MEOX1: variants seen among roughly 807,000 people sequenced by gnomAD.
MEOX1 encodes the protein mesenchyme homeobox 1, also known as homeobox protein MOX-1.
Under a neutral mutation model 23.2 loss-of-function variants are expected in MEOX1, and 17 were observed. The observed-to-expected ratio is 0.73, with a 90% CI of 0.50 to 1.10. MEOX1 has a LOEUF of 1.10. MEOX1 is among the 50% of genes least tolerant of loss of function. MEOX1 has a pLI of 0.00. For missense variants in MEOX1, 333 were observed against 332.2 expected (o/e 1.00, Z -0.02); for synonymous variants, 134 against 135.1 (o/e 0.99, Z 0.06).
chr17:43,642,445 C>T (rs1416238855), intron 2 of MEOX1, among the ~76,000 whole-genome samples: 2 of 152,188 alleles, frequency 1.3e-5, no homozygotes, highest in East Asian at 3.8e-4. Context: ...ATTTTCTCAT[C>T]TGAGCTTGAG....
chr17:43,656,120 C>A (rs533919434), intron 1 of MEOX1, among the ~76,000 whole-genome samples: 1 of 152,306 alleles, frequency 6.6e-6, no homozygotes, highest in African/African-American at 2.4e-5. Flanking sequence ...CTAGCAGATA[C>A]TAGACTTCGA....
intron 1 of MEOX1, among the ~76,000 whole-genome samples, chr17:43,648,419 C>T (rs1366009168): frequency 6.8e-6 from 1 of 146,538 alleles, no homozygotes; most frequent in East Asian, 2.0e-4. Flanking sequence ...CAGTGAGCCA[C>T]GAGTACCACT....
intron 1 of MEOX1, among the ~76,000 whole-genome samples, chr17:43,657,926 T>TA (rs1973069009): frequency 6.6e-6 from 1 of 152,242 alleles, no homozygotes. Flanking sequence ...GGCACAGAGT[T>TA]AATCTCATGG....
intron 1 of MEOX1, among the ~76,000 whole-genome samples, chr17:43,652,892 T>C (rs895737573): frequency 5.0e-5 from 7 of 138,752 alleles, no homozygotes; most frequent in South Asian, 2.4e-4. Context: ...AGTGCAGTGG[T>C]GTGATCTCGG....
Position 43,661,129 on chromosome 17 carries a change from C to T in MEOX1, c.406G>A (p.Val136Met), listed in dbSNP as rs781780644. 3 of 1,538,288 alleles carry T rather than the reference C, an allele frequency of 2.0e-6. No homozygotes were observed. The East Asian group carries it at 6.8e-5, about 35-fold the overall frequency. Residue 136 changes from valine to methionine, a missense_variant, in exon 1 of 3, where the codon GTG becomes ATG. By Grantham distance (21) the Val-to-Met change is conservative. Transcript: ENST00000318579. ...TTGGPGDDYG[V>M]LGSTANETEK... ...GTCTCATTGGCAGTGCTCCCAAGCA[C>T]CCCGTAGTCATCGCCTGGGCCTCCT...
At chr17:43,652,933 G>A (rs1032880272) in intron 1 of MEOX1, among the ~76,000 whole-genome samples, 10 of 140,570 alleles carry the variant, frequency 7.1e-5, no homozygotes, top group Admixed American at 8.0e-5. Flanking sequence ...CCAGGTTCAC[G>A]CCATTTTCCT....
intron 1 of MEOX1, among the ~76,000 whole-genome samples, chr17:43,649,344 C>T (rs1972871756): frequency 7.5e-6 from 1 of 133,774 alleles, no homozygotes; most frequent in South Asian, 2.4e-4. Context: ...GTCACCCAGG[C>T]TGGAGATTGG....
At chr17:43,645,371 G>T (rs1162087283) in intron 1 of MEOX1, among the ~76,000 whole-genome samples, 2 of 151,900 alleles carry the variant, frequency 1.3e-5, no homozygotes, top group African/African-American at 2.4e-5. Context: ...TAGAGACGAC[G>T]TTTCACTGTG....
chr17:43,647,802 C>A (rs1267019840), intron 1 of MEOX1, among the ~76,000 whole-genome samples: 1 of 152,184 alleles, frequency 6.6e-6, no homozygotes, highest in Non-Finnish European at 1.5e-5. Flanking sequence ...CGATTTCCAG[C>A]AGAGGAAACA....
At position 43,641,937 on chromosome 17, in the gene MEOX1, G is replaced by C. The variant is rs1972701990; in HGVS notation, c.738C>G (p.Asp246Glu). ...SPNGQDPEDG[D>E]STASPSSE ...ACTCTGAACTTGGAGAGGCTGTGGA[G>C]TCCCCATCCTCAGGGTCCTGCCCAT... Residue 246 changes from aspartate to glutamate, a missense_variant, in exon 3 of 3, where the codon GAC becomes GAG. Asp to Glu is a conservative substitution (Grantham distance 45). Transcript: ENST00000318579. The C allele has an allele frequency of 1.2e-6, 2 of 1,613,920 alleles. No individual in the cohort carries two copies. The highest frequency in any genetic ancestry group is 1.7e-6 in the Non-Finnish European group (2 of 1,179,920).
intron 1 of MEOX1, among the ~76,000 whole-genome samples, chr17:43,646,747 G>C (rs1466806687): frequency 2.0e-5 from 3 of 152,198 alleles, no homozygotes; most frequent in African/African-American, 7.2e-5. Flanking sequence ...AAGCTGAGGC[G>C]GGCGGATCAC....
intron 1 of MEOX1, among the ~76,000 whole-genome samples, chr17:43,657,007 TCTTTC>T (rs1356791674): frequency 1.9e-5 from 2 of 105,198 alleles, no homozygotes; most frequent in African/African-American, 1.1e-4. Flanking sequence ...TTTCTTTCTT[TCTTTC>T]TCTTTCTTTC....
intron 1 of MEOX1, among the ~76,000 whole-genome samples, chr17:43,644,643 GGC>G (rs965419422): frequency 2.6e-5 from 4 of 152,202 alleles, no homozygotes; most frequent in African/African-American, 9.7e-5. Context: ...AGTATGTAGG[GGC>G]CAGGCGCGGT....
At chr17:43,651,552 G>A (rs562979946) in intron 1 of MEOX1, among the ~76,000 whole-genome samples, 33 of 150,258 alleles carry the variant, frequency 2.2e-4, no homozygotes, top group African/African-American at 7.3e-4. Flanking sequence ...AAACAAGGGG[G>A]AAAAAAAAAG....
At chr17:43,658,210 G>C (rs1332822583) in intron 1 of MEOX1, among the ~76,000 whole-genome samples, 1 of 152,216 alleles carries the variant, frequency 6.6e-6, no homozygotes, top group African/African-American at 2.4e-5. Context: ...CCCCTCTGTA[G>C]TCAAGATCAA....
chr17:43,645,709 A>G (rs1972796179), intron 1 of MEOX1, among the ~76,000 whole-genome samples: 1 of 152,196 alleles, frequency 6.6e-6, no homozygotes, highest in Non-Finnish European at 1.5e-5. Flanking sequence ...CAGTCGGCTA[A>G]GCAGCCGCAT....
intron 1 of MEOX1, among the ~76,000 whole-genome samples, chr17:43,655,648 A>G (rs984918034): frequency 2.2e-5 from 3 of 137,288 alleles, no homozygotes; most frequent in African/African-American, 8.2e-5. Context: ...GCATAGCAAG[A>G]CCCTGTCTTT....
intron 1 of MEOX1, among the ~76,000 whole-genome samples, chr17:43,651,131 A>G (rs796197241): frequency 2.6e-5 from 4 of 152,248 alleles, no homozygotes; most frequent in African/African-American, 9.6e-5. Context: ...ATCCTGGCTA[A>G]TATGGTGAAA....
intron 1 of MEOX1, among the ~76,000 whole-genome samples, chr17:43,653,288 AG>A (rs1972952857): frequency 6.7e-6 from 1 of 148,610 alleles, no homozygotes; most frequent in African/African-American, 2.5e-5. Flanking sequence ...TACAGGTGTG[AG>A]CCAACACGCC....
Sources: allele counts gnomAD v4.1 joint callset (sites outside exome capture counted in the v4.1 genomes callset), GRCh38; gene constraint gnomAD v4.1.1; transcripts MANE v1.5; gene names NCBI Gene and HGNC (gene_info 2026-07-23, HGNC 2026-07-21).